The following SCFD2 variants were observed in gnomAD, a reference collection of about 807,000 sequenced individuals.
SCFD2 encodes the protein sec1 family domain containing 2, also known as sec1 family domain-containing protein 2.
Under a neutral mutation model 58.9 loss-of-function variants are expected in SCFD2, and 54 were observed. The ratio of observed to expected loss-of-function variants is 0.92; its 90% CI spans 0.74 to 1.15. The LOEUF (loss-of-function observed/expected upper bound fraction) is 1.15, where lower values mean the gene tolerates loss of function less well. SCFD2 is among the 50% of genes most tolerant of loss of function. The pLI, the probability that SCFD2 is intolerant of heterozygous loss-of-function variation, is 0.00. For missense variants in SCFD2, 805 were observed against 836.6 expected (o/e 0.96, Z 0.47); for synonymous variants, 321 against 335.9 (o/e 0.96, Z 0.49).
At chr4:53,007,339 A>AGAGAGAGG (rs1560508040) in intron 5 of SCFD2, among the ~76,000 whole-genome samples, 16 of 128,006 alleles carry the variant, frequency 1.2e-4, no homozygotes, top group Admixed American at 2.4e-4. Context: ...AGAGAGGGAG[A>AGAGAGAGG]GAGAGAGAGA....
intron 3 of SCFD2, among the ~76,000 whole-genome samples, chr4:53,309,975 G>C (rs1197225555): frequency 6.6e-6 from 1 of 152,130 alleles, no homozygotes; most frequent in Non-Finnish European, 1.5e-5. Flanking sequence ...ATAAGTGGCA[G>C]AACTGTGATT....
At chr4:53,350,791 C>T (rs1734194579) in intron 2 of SCFD2, among the ~76,000 whole-genome samples, 1 of 152,156 alleles carries the variant, frequency 6.6e-6, no homozygotes, top group African/African-American at 2.4e-5. Context: ...CTCACTGCAA[C>T]CTCCTCCTCC....
At chr4:53,225,215 T>A (rs1020949280) in intron 4 of SCFD2, among the ~76,000 whole-genome samples, 3 of 152,176 alleles carry the variant, frequency 2.0e-5, no homozygotes, top group African/African-American at 7.2e-5. Context: ...TTGACAAAAT[T>A]CACTCTTCCA....
Position 53,207,524 on chromosome 4 carries a change from T to TA in SCFD2, c.1312-61943dup, listed in dbSNP as rs1235311151. ...ATATATATTATATATATTATATATATAATATTTATATATTATATATATAAT... is the reference window on the plus strand; with the variant it reads ...ATATATATTATATATATTATATATATAAATATTTATATATTATATATATAAT... On this transcript the variant is annotated intron_variant, in intron 4 of 8. Transcript: ENST00000401642. 3.4e-3 allele frequency among the ~76,000 whole-genome samples: 145 copies of TA among 42,814 alleles called. 4 individuals are homozygous for TA. Among genetic ancestry groups the TA allele is most frequent in the African/African-American group, 0.016 (137 of 8,436 alleles). The allele number at this position is 42,814 out of a possible 152,430, so 28.1% of individuals were successfully genotyped here. A position where few individuals can be genotyped will look rare whatever the true frequency, so the allele number is the denominator to read the frequency against.
intron 4 of SCFD2, among the ~76,000 whole-genome samples, chr4:53,226,385 T>C (rs1729216788): frequency 6.6e-6 from 1 of 152,090 alleles, no homozygotes; most frequent in Non-Finnish European, 1.5e-5. Flanking sequence ...ATAAACATTA[T>C]TGATGTATAA....
intron 4 of SCFD2, among the ~76,000 whole-genome samples, chr4:53,251,300 A>T (rs1372439916): frequency 6.6e-6 from 1 of 152,152 alleles, no homozygotes; most frequent in East Asian, 1.9e-4. Flanking sequence ...ATTCTACCAG[A>T]GGTACAAGGA....
intron 5 of SCFD2, chr4:52,957,872 T>G (rs1453648609): frequency 2.0e-5 from 3 of 152,228 alleles, no homozygotes; most frequent in African/African-American, 7.2e-5. Flanking sequence ...ATTTTTCATT[T>G]GTTAATATAA....
intron 5 of SCFD2, among the ~76,000 whole-genome samples, chr4:53,074,474 A>G (rs1723912507): frequency 6.6e-6 from 1 of 152,182 alleles, no homozygotes; most frequent in Admixed American, 6.6e-5. Context: ...TAGAATAGTG[A>G]ATCCTTTCCA....
intron 3 of SCFD2, among the ~76,000 whole-genome samples, chr4:53,286,240 T>G: frequency 6.6e-6 from 1 of 152,122 alleles, no homozygotes; most frequent in Non-Finnish European, 1.5e-5. Flanking sequence ...GGGGAATACC[T>G]GCACTCCTGG....
rs546084498 is a variant in SCFD2, at chr4:52,933,585, G to A, written c.1562-12715C>T. Among the ~76,000 whole-genome samples the A allele has an allele frequency of 2.1e-4, 32 of 152,280 alleles. No homozygotes were observed. In the South Asian group the frequency reaches 6.0e-3, roughly 29 times the overall value. The stretch of plus-strand genomic sequence containing the variant: ...GTGTAGCTCTTTCCTTCTGCAGGAT[G>A]GGGATGGGGAGAGTTAAAGAACTGG... On this transcript the variant is annotated intron_variant, in intron 5 of 8. Coordinates refer to ENST00000401642, the MANE Select transcript of SCFD2 (RefSeq NM_152540.4).
chr4:53,272,146 A>G (rs1731188531), intron 4 of SCFD2, among the ~76,000 whole-genome samples: 1 of 152,252 alleles, frequency 6.6e-6, no homozygotes, highest in Admixed American at 6.5e-5. Context: ...AATCAAAACC[A>G]CAATGAGATA....
intron 6 of SCFD2, among the ~76,000 whole-genome samples, chr4:52,912,918 C>T (rs1003053555): frequency 6.6e-6 from 1 of 152,112 alleles, no homozygotes; most frequent in African/African-American, 2.4e-5. Context: ...AAGATTCTCT[C>T]GCATGCTAGG....
chr4:53,226,464 A>T (rs1702598086), intron 4 of SCFD2, among the ~76,000 whole-genome samples: 1 of 152,134 alleles, frequency 6.6e-6, no homozygotes. Flanking sequence ...TTTTCCCAAC[A>T]TTACTGTTTT....
At chr4:53,214,267 C>A (rs1475306995) in intron 4 of SCFD2, among the ~76,000 whole-genome samples, 3 of 152,112 alleles carry the variant, frequency 2.0e-5, no homozygotes, top group African/African-American at 4.8e-5. Flanking sequence ...TTTACAATCC[C>A]ACCAACAGTG....
chr4:53,019,064 C>T (rs1008439504), intron 5 of SCFD2, among the ~76,000 whole-genome samples: 3 of 152,090 alleles, frequency 2.0e-5, no homozygotes, highest in Non-Finnish European at 4.4e-5. Context: ...TCCCAGGGTG[C>T]AATGTGTTCA....
chr4:53,106,457 G>C (rs778268874), intron 5 of SCFD2, among the ~76,000 whole-genome samples: 1 of 152,082 alleles, frequency 6.6e-6, no homozygotes, highest in African/African-American at 2.4e-5. Context: ...CCCAATGCAA[G>C]GAAGCCAAGA....
chr4:53,321,044 A>G (rs1733008294), intron 2 of SCFD2, among the ~76,000 whole-genome samples: 1 of 152,186 alleles, frequency 6.6e-6, no homozygotes, highest in African/African-American at 2.4e-5. Flanking sequence ...ATACATACTA[A>G]TTGTCATTTT....
At chr4:53,065,237 A>T (rs1723628919) in intron 5 of SCFD2, among the ~76,000 whole-genome samples, 1 of 152,092 alleles carries the variant, frequency 6.6e-6, no homozygotes, top group African/African-American at 2.4e-5. Context: ...TAGCACAATA[A>T]ATTCAATATG....
At chr4:53,096,600 G>C (rs941321105) in intron 5 of SCFD2, among the ~76,000 whole-genome samples, 8 of 152,150 alleles carry the variant, frequency 5.3e-5, no homozygotes, top group African/African-American at 1.9e-4. Context: ...GTTCTTTGTA[G>C]ATTCTGGATA....
Sources: allele counts gnomAD v4.1 joint callset (sites outside exome capture counted in the v4.1 genomes callset), GRCh38; gene constraint gnomAD v4.1.1; transcripts MANE v1.5; gene names NCBI Gene and HGNC (gene_info 2026-07-23, HGNC 2026-07-21).